Variants in TMEM131L observed in about 807,000 individuals in gnomAD.
TMEM131L encodes the protein transmembrane 131 like.
A neutral mutation model predicts 192.2 loss-of-function variants in TMEM131L; 54 were observed. The ratio of observed to expected loss-of-function variants is 0.28; its 90% confidence interval spans 0.23 to 0.35. The LOEUF is 0.35. TMEM131L is among the 10% of genes least tolerant of loss of function. The pLI, the probability that TMEM131L is intolerant of heterozygous loss-of-function variation, is 1.00. For missense variants in TMEM131L, 1,888 were observed against 1,972.9 expected (o/e 0.96, Z 0.82); for synonymous variants, 701 against 704.9 (o/e 0.99, Z 0.09).
intron 32 of TMEM131L, 111 bp from the exon 33 acceptor site, chr4:153,634,081 A>G: frequency 1.1e-6 from 1 of 886,738 alleles, no homozygotes. Context: ...ATTTTCCAAA[A>G]TTGGGGAATT....
chr4:153,505,406 C>G (rs1176298621), intron 3 of TMEM131L, among the ~76,000 whole-genome samples: 2 of 151,998 alleles, frequency 1.3e-5, no homozygotes, highest in African/African-American at 4.8e-5. Context: ...TTGCCCAGCC[C>G]TCAACTTGCC....
At chr4:153,479,351 C>T (rs991735970) in intron 3 of TMEM131L, among the ~76,000 whole-genome samples, 2 of 152,166 alleles carry the variant, frequency 1.3e-5, no homozygotes, top group Admixed American at 6.5e-5. Flanking sequence ...CCATTTTTCC[C>T]TGGGTATTCT....
chr4:153,612,182 G>T, intron 25 of TMEM131L, 70 bp from the exon 26 acceptor site: 2 of 1,155,822 alleles, frequency 1.7e-6, no homozygotes, highest in Admixed American at 2.8e-5. Context: ...GATGTTTGGT[G>T]TAGGAAAGAA....
intron 7 of TMEM131L, among the ~76,000 whole-genome samples, chr4:153,579,011 C>T (rs899012464): frequency 6.6e-6 from 1 of 152,110 alleles, no homozygotes; most frequent in Non-Finnish European, 1.5e-5. Context: ...AAATCAGTTT[C>T]AGAAAGTGGG....
chr4:153,593,260 T>C (rs1272874730), intron 18 of TMEM131L, among the ~76,000 whole-genome samples: 1 of 152,186 alleles, frequency 6.6e-6, no homozygotes, highest in East Asian at 1.9e-4. Context: ...CCAGGGTTTC[T>C]CAGCTTTCGC....
In TMEM131L at chr4:153,632,723, TACTCACCTGGAG is replaced by T; in HGVS notation, c.4216_4227del (p.Ser1406_Asp1409del). 6.2e-7 allele frequency: 1 copy of T among 1,614,068 alleles called. No individual in the cohort carries two copies. Among genetic ancestry groups the T allele is most frequent in the Non-Finnish European group, 8.5e-7 (1 of 1,179,994 alleles). ...GGCCTTGTTCTCTTCCGTAGGTCTT[TACTCACCTGGAG>T]ACCTGTGGCCCACTCCGCCAGTGTG... On this transcript the variant is annotated inframe_deletion, in exon 32 of 35. Transcript: ENST00000409959.
At chr4:153,516,308 C>A (rs1332039436) in intron 3 of TMEM131L, among the ~76,000 whole-genome samples, 3 of 152,138 alleles carry the variant, frequency 2.0e-5, no homozygotes, top group Non-Finnish European at 4.4e-5. Context: ...TGGCTCACTG[C>A]AGCTTCCACC....
At chr4:153,477,327 CTCGGAGGCCAGGGCTGCAG>C (rs1731611862) in intron 3 of TMEM131L, among the ~76,000 whole-genome samples, 1 of 152,154 alleles carries the variant, frequency 6.6e-6, no homozygotes, top group African/African-American at 2.4e-5. Flanking sequence ...CACTCTGGAG[CTCGGAGGCCAGGGCTGCAG>C]ACCCAGGTGT....
At chr4:153,626,922 C>G (rs1229453392) in intron 30 of TMEM131L, among the ~76,000 whole-genome samples, 1 of 152,098 alleles carries the variant, frequency 6.6e-6, no homozygotes, top group Non-Finnish European at 1.5e-5. Flanking sequence ...CCAGTTCTGC[C>G]CTATGATGAT....
intron 3 of TMEM131L, among the ~76,000 whole-genome samples, chr4:153,499,428 GAT>G (rs1733427055): frequency 7.0e-6 from 1 of 142,146 alleles, no homozygotes; most frequent in African/African-American, 2.9e-5. Context: ...AGATCTTTAT[GAT>G]TTTTTTTTTT....
At chr4:153,559,520 G>T (rs1393660212) in intron 7 of TMEM131L, among the ~76,000 whole-genome samples, 1 of 152,082 alleles carries the variant, frequency 6.6e-6, no homozygotes, top group Non-Finnish European at 1.5e-5. Flanking sequence ...GTTATTGGGG[G>T]TTAATGTAAG....
At chr4:153,483,962 A>T (rs994870338) in intron 3 of TMEM131L, among the ~76,000 whole-genome samples, 1 of 152,272 alleles carries the variant, frequency 6.6e-6, no homozygotes, top group Non-Finnish European at 1.5e-5. Flanking sequence ...AGCAGTATTA[A>T]TTCTGTGAGG....
intron 19 of TMEM131L, among the ~76,000 whole-genome samples, chr4:153,595,107 T>G (rs1731338688): frequency 6.6e-6 from 1 of 152,240 alleles, no homozygotes; most frequent in South Asian, 2.1e-4. Context: ...ATTGTTAATT[T>G]ATTACATTGA....
intron 3 of TMEM131L, among the ~76,000 whole-genome samples, chr4:153,499,301 C>T (rs1014316568): frequency 5.9e-5 from 9 of 152,168 alleles, no homozygotes; most frequent in East Asian, 1.9e-4. Context: ...GGATGCCCAG[C>T]GCTTGTCTGC....
At chr4:153,483,852 C>T (rs1490912325) in intron 3 of TMEM131L, among the ~76,000 whole-genome samples, 1 of 152,026 alleles carries the variant, frequency 6.6e-6, no homozygotes, top group Non-Finnish European at 1.5e-5. Context: ...GACATTTCGG[C>T]TTCTCTTATG....
intron 24 of TMEM131L, 80 bp downstream of exon 24, chr4:153,603,532 T>A: frequency 1.4e-6 from 2 of 1,436,906 alleles, no homozygotes; most frequent in Non-Finnish European, 9.4e-7. Context: ...TAATTTTAAG[T>A]AAACATAAAT....
At position 153,598,652 on chromosome 4, in the gene TMEM131L, A is replaced by G; in HGVS notation, c.2186A>G (p.Lys729Arg). The G allele has an allele frequency of 6.2e-7, 1 of 1,613,950 alleles. No homozygotes were observed. Among genetic ancestry groups the G allele is most frequent in the African/African-American group, 1.3e-5 (1 of 75,022 alleles). The stretch of plus-strand genomic sequence containing the variant: ...GGATTTGGAGCAAGAGAGTTATTAA[A>G]AGTGGGTGGAAGACTTCCTGGTGCA... Reference protein sequence around the residue: ...VEGFGARELLKVGGRLPGAGG... With the variant: ...VEGFGARELLRVGGRLPGAGG... Residue 729 changes from lysine to arginine, a missense_variant, in exon 21 of 35, where the codon AAA (lysine) becomes AGA (arginine). Coordinates refer to ENST00000409959, the MANE Select transcript of TMEM131L (RefSeq NM_001131007.2).
intron 3 of TMEM131L, among the ~76,000 whole-genome samples, chr4:153,515,402 C>T (rs1338175141): frequency 6.6e-6 from 1 of 152,202 alleles, no homozygotes; most frequent in Non-Finnish European, 1.5e-5. Flanking sequence ...GGGTTTACCA[C>T]ATGGCATGTA....
In TMEM131L at chr4:153,581,502, A is replaced by G; in HGVS notation, c.834A>G (p.Gln278=). ...NFSKEFEENT[Q]HLLDHLSIVY... ...CAAAAGAATTTGAAGAAAACACACA[A>G]CATTTGTTAGATCATCTCTCTATTG... Residue 278 remains glutamine, a synonymous_variant, in exon 9 of 35, where the codon CAA becomes CAG. Coordinates refer to ENST00000409959, the MANE Select transcript of TMEM131L (RefSeq NM_001131007.2). 6.2e-7 allele frequency: 1 copy of G among 1,605,072 alleles called. No individual in the cohort carries two copies. Among genetic ancestry groups the G allele is most frequent in the South Asian group, 1.1e-5 (1 of 89,822 alleles).
Sources: gnomAD v4.1 joint callset for allele counts (sites outside exome capture counted in the v4.1 genomes callset) on GRCh38, gnomAD v4.1.1 for gene constraint, MANE v1.5 for transcripts, NCBI Gene and HGNC (gene_info 2026-07-23, HGNC 2026-07-21) for gene names.